The following MAPK6 variants were observed in gnomAD, a reference collection of about 807,000 sequenced individuals.
MAPK6 encodes mitogen-activated protein kinase 6.
Under a neutral mutation model 59.3 loss-of-function variants are expected in MAPK6, and 19 were observed. That is an observed-to-expected ratio of 0.32 (90% CI 0.22 to 0.47). The LOEUF (loss-of-function observed/expected upper bound fraction) is 0.47, where lower values mean the gene tolerates loss of function less well. Ranked by LOEUF, MAPK6 falls within the 20% of genes least tolerant of loss-of-function variation. MAPK6 has a pLI of 1.00. For synonymous variants in MAPK6, 316 were observed against 290.3 expected (o/e 1.09, Z -0.90); for missense variants, 724 against 847.9 (o/e 0.85, Z 1.81).
chr15:51,992,714 G>A (rs943618321), intron 2 of MAPK6, among the ~76,000 whole-genome samples: 1 of 152,036 alleles, frequency 6.6e-6, no homozygotes, highest in Admixed American at 6.6e-5. Context: ...GGTTCAATTA[G>A]TTTGCTAGAG....
chr15:52,048,136 A>ATTATTT (rs1202671417), intron 2 of MAPK6, among the ~76,000 whole-genome samples: 2 of 151,972 alleles, frequency 1.3e-5, no homozygotes, highest in Non-Finnish European at 2.9e-5. Context: ...TCACGTTAAG[A>ATTATTT]TTATTTTTAT....
chr15:52,051,487 A>C (rs1020211042), intron 3 of MAPK6, among the ~76,000 whole-genome samples: 3 of 152,236 alleles, frequency 2.0e-5, no homozygotes, highest in African/African-American at 7.2e-5. Flanking sequence ...TGAAGAAAGG[A>C]CAGCGTGCAT....
At position 51,993,436 on chromosome 15, in the gene MAPK6, T is replaced by C. The variant is rs140167887; in HGVS notation, c.-770+10121T>C. 3.3e-3 allele frequency among the ~76,000 whole-genome samples: 497 copies of C among 152,270 alleles called. 1 individual carries two copies. Among genetic ancestry groups the C allele is most frequent in the Admixed American group, 4.0e-3 (61 of 15,290 alleles). ...AGGAGATTGTTTACAAATGGAAGGA[T>C]TGATTAAATAAGTCATCATGTTAAG... On this transcript the variant is annotated intron_variant, in intron 2 of 7. Transcript: ENST00000691380.
At chr15:51,998,518 T>TTTAAGATGGAG (rs1566896001) in intron 2 of MAPK6, among the ~76,000 whole-genome samples, 15 of 148,002 alleles carry the variant, frequency 1.0e-4, no homozygotes, top group African/African-American at 3.8e-4. Flanking sequence ...TTTTTTTTTT[T>TTTAAGATGGAG]TCTCCCCTCT....
intron 1 of MAPK6, among the ~76,000 whole-genome samples, chr15:51,972,692 G>A (rs985672565): frequency 2.0e-5 from 3 of 149,662 alleles, no homozygotes; most frequent in African/African-American, 7.3e-5. Context: ...CGTGGTTGTG[G>A]GCGCCTGTCG....
At chr15:52,054,749 C>CATACACATACAT (rs1555399924) in intron 3 of MAPK6, among the ~76,000 whole-genome samples, 1,936 of 150,032 alleles carry the variant, frequency 0.013, 18 homozygotes, top group African/African-American at 0.022. Context: ...CACACACACA[C>CATACACATACAT]ATATACACAT....
intron 2 of MAPK6, among the ~76,000 whole-genome samples, chr15:52,000,062 C>T (rs1256132406): frequency 1.3e-5 from 2 of 151,890 alleles, no homozygotes; most frequent in Non-Finnish European, 2.9e-5. Context: ...TTTCACCTCC[C>T]CTGTAGCTGA....
intron 2 of MAPK6, among the ~76,000 whole-genome samples, chr15:52,003,041 G>A (rs1332278965): frequency 6.6e-6 from 1 of 152,048 alleles, no homozygotes; most frequent in Non-Finnish European, 1.5e-5. Flanking sequence ...ATAATAATTA[G>A]CAGGGTATGG....
At chr15:52,061,101 T>G (rs1368206971) in intron 4 of MAPK6, among the ~76,000 whole-genome samples, 198 bp from the exon 5 acceptor site, 1 of 152,230 alleles carries the variant, frequency 6.6e-6, no homozygotes, top group Non-Finnish European at 1.5e-5. Flanking sequence ...CAAATTAACT[T>G]TTTAATTGTG....
At chr15:52,037,005 A>C (rs1363709008) in intron 1 of MAPK6, among the ~76,000 whole-genome samples, 20 of 152,156 alleles carry the variant, frequency 1.3e-4, no homozygotes, top group Non-Finnish European at 2.9e-5. Flanking sequence ...TTGTTTTTAA[A>C]AATTAGGGAA....
At chr15:51,997,589 TC>T (rs1364002837) in intron 2 of MAPK6, among the ~76,000 whole-genome samples, 5 of 148,784 alleles carry the variant, frequency 3.4e-5, no homozygotes, top group African/African-American at 1.0e-4. Flanking sequence ...TTTCTTTCTT[TC>T]TTTTTTTTTT....
rs1272584136 is a variant in MAPK6 at position 52,046,316 on chromosome 15, A to G, written c.-145A>G. On this transcript the variant is annotated 5_prime_UTR_variant, in exon 2 of 6. Transcript: ENST00000261845. Reference sequence around the variant, plus strand: ...CTCGACAGGCCTGTTTGGCATATGCAATGAACATCAAGAAACCATCTTGCT... The same window carrying G: ...CTCGACAGGCCTGTTTGGCATATGCGATGAACATCAAGAAACCATCTTGCT... 1 of 654,568 alleles carries G rather than the reference A, an allele frequency of 1.5e-6. No homozygotes were observed. Among genetic ancestry groups the G allele is most frequent in the African/African-American group, 1.8e-5 (1 of 54,696 alleles). 40.5% of individuals were successfully genotyped at this position (654,568 alleles called of 1,614,324 possible). A position where few individuals can be genotyped will look rare whatever the true frequency, so the allele number is the denominator to read the frequency against.
At chr15:52,049,641 T>A (rs1414445931) in intron 2 of MAPK6, among the ~76,000 whole-genome samples, 2 of 141,070 alleles carry the variant, frequency 1.4e-5, no homozygotes, top group Admixed American at 7.4e-5. Context: ...TGAGATGGAG[T>A]TTAGCTCTTG....
chr15:52,026,280 T>G (rs1400278009), intron 1 of MAPK6, among the ~76,000 whole-genome samples: 2 of 152,174 alleles, frequency 1.3e-5, no homozygotes, highest in African/African-American at 4.8e-5. Context: ...ACCTCCTACC[T>G]TTTTTTGTTT....
At chr15:52,026,780 G>A (rs939548078) in intron 1 of MAPK6, among the ~76,000 whole-genome samples, 3 of 152,108 alleles carry the variant, frequency 2.0e-5, no homozygotes, top group Non-Finnish European at 4.4e-5. Context: ...GGCTGGGCGC[G>A]ATGGCTCATG....
At chr15:52,041,638 C>T (rs62015196) in intron 1 of MAPK6, among the ~76,000 whole-genome samples, 96 of 152,208 alleles carry the variant, frequency 6.3e-4, no homozygotes, top group South Asian at 1.5e-3. Flanking sequence ...CAAGGAGCTC[C>T]GTGATTGATG....
chr15:52,062,095 TCTCA>T (rs2032228034), intron 5 of MAPK6, among the ~76,000 whole-genome samples: 1 of 148,014 alleles, frequency 6.8e-6, no homozygotes, highest in African/African-American at 2.5e-5. Context: ...TGAGATGGAA[TCTCA>T]CTCTGTCACC....
intron 1 of MAPK6, among the ~76,000 whole-genome samples, chr15:51,978,281 C>T (rs979477894): frequency 7.9e-5 from 12 of 151,756 alleles, no homozygotes; most frequent in African/African-American, 2.9e-4. Flanking sequence ...TAGAGGCACA[C>T]ACCACCATAC....
Position 52,065,863 on chromosome 15 carries a change from G to T in MAPK6, c.*863G>T, listed in dbSNP as rs2032403364. 1 of 152,542 alleles carries T rather than the reference G, an allele frequency of 6.6e-6. No individual in the cohort carries two copies. The highest frequency in any genetic ancestry group is 1.5e-5 in the Non-Finnish European group (1 of 68,022). 9.4% of individuals were successfully genotyped at this position (152,542 alleles called of 1,614,324 possible). On this transcript the variant is annotated 3_prime_UTR_variant, in exon 6 of 6. Coordinates refer to ENST00000261845, the MANE Select transcript of MAPK6 (RefSeq NM_002748.4). ...CTTAAGTGTTCATTTTAAGTAACGT[G>T]CTCACTGTGTATAGGAATTTGTATT...
Sources: gnomAD v4.1 joint callset for allele counts (sites outside exome capture counted in the v4.1 genomes callset) on GRCh38, gnomAD v4.1.1 for gene constraint, MANE v1.5 for transcripts, NCBI Gene and HGNC (gene_info 2026-07-23, HGNC 2026-07-21) for gene names.